PVR: variants seen among roughly 807,000 people sequenced by gnomAD.
PVR encodes the protein PVR cell adhesion molecule, also known as poliovirus receptor.
PVR carries 39 observed loss-of-function variants against 43.3 expected under a neutral mutation model. The observed-to-expected ratio is 0.90, with a 90% confidence interval of 0.70 to 1.18. The LOEUF (loss-of-function observed/expected upper bound fraction) is 1.18, where lower values mean the gene tolerates loss of function less well. Among genes scored for constraint, PVR ranks in the 50% most tolerant of loss-of-function variants. The probability of loss-of-function intolerance (pLI) is 0.00; values close to 1 mark genes in which losing one functional copy is unlikely to be tolerated. For synonymous variants in PVR, 224 were observed against 233.2 expected, an observed-to-expected ratio of 0.96 and a Z score of 0.36; for missense variants, 480 against 549.7, an observed-to-expected ratio of 0.87 and a Z score of 1.27.
At chr19:44,647,147 C>T in intron 1 of PVR, 76 bp from the exon 2 acceptor site, 1 of 1,081,490 alleles carries the variant, frequency 9.2e-7, no homozygotes, top group Non-Finnish European at 1.3e-6. Context: ...CGCCCAGGTG[C>T]CCGGGCTCCT....
Position 44,661,371 on chromosome 19 carries a change from A to G in PVR, c.1182+48A>G, listed in dbSNP as rs369364306. ...GGAGGGTGTGGGGTCTGCACGAACT[A>G]CAGACCAGACGTCTTCAGATGCCCA... On this transcript the variant is annotated intron_variant, in intron 7 of 7. Coordinates refer to ENST00000425690, the MANE Select transcript of PVR (RefSeq NM_006505.5). 1.7e-5 allele frequency: 27 copies of G among 1,588,000 alleles called. No individual in the cohort carries two copies. In the African/African-American group the frequency reaches 3.2e-4, roughly 19 times the overall value.
rs746864435 is a variant in PVR, at chr19:44,661,303, G to A, written c.1162G>A (p.Ala388Thr). 1.4e-5 allele frequency: 23 copies of A among 1,613,872 alleles called. No individual in the cohort carries two copies. The highest frequency in any genetic ancestry group is 1.0e-4 in the Admixed American group (6 of 59,998). ...CHLCPSSTEHASASANGHVSY... is the reference protein window; with the variant it reads ...CHLCPSSTEHTSASANGHVSY... ...TCCTATTTCCCCAGGTACAGAGCAT[G>A]CCAGCGCCTCAGCTAATGGGGTAAG... Residue 388 changes from alanine to threonine, a missense_variant, in exon 7 of 8, where the codon GCC (alanine) becomes ACC (threonine). Coordinates refer to ENST00000425690, the MANE Select transcript of PVR (RefSeq NM_006505.5).
chr19:44,661,444 G>A, intron 7 of PVR, 121 bp downstream of exon 7: 1 of 1,100,600 alleles, frequency 9.1e-7, no homozygotes, highest in Non-Finnish European at 1.4e-6. Flanking sequence ...GCCTCGAGCA[G>A]CATTTCCCAA....
rs1973685702 is a variant in PVR, at chr19:44,665,318, T to A, written c.*3507T>A. The A allele has an allele frequency of 6.6e-6, 1 of 151,938 alleles. No individual in the cohort carries two copies. The highest frequency in any genetic ancestry group is 2.4e-5 in the African/African-American group (1 of 41,360). The allele number at this position is 151,938 out of a possible 1,614,324, so 9.4% of individuals were successfully genotyped here. On this transcript the variant is annotated 3_prime_UTR_variant, in exon 8 of 8. Coordinates refer to ENST00000425690, the MANE Select transcript of PVR (RefSeq NM_006505.5). The stretch of plus-strand genomic sequence containing the variant: ...CCTCTGGGTTGCAGATTGCTTGGGG[T>A]GAAAATGTCTGTGCTACTGAAATCT...
intron 6 of PVR, 50 bp from the exon 7 acceptor site, chr19:44,661,241 AT>A (rs1568507209): frequency 6.4e-7 from 1 of 1,567,146 alleles, no homozygotes; most frequent in Non-Finnish European, 8.8e-7. Flanking sequence ...TCTTCTTCCC[AT>A]GCTTCCCAGC....
Position 44,644,066 on chromosome 19 carries a change from G to A in PVR, c.-31G>A. The A allele has an allele frequency of 6.7e-7, 1 of 1,497,768 alleles. No homozygotes were observed. Among genetic ancestry groups the A allele is most frequent in the Non-Finnish European group, 8.9e-7 (1 of 1,129,302 alleles). 92.8% of individuals were successfully genotyped at this position (1,497,768 alleles called of 1,614,324 possible). A position where few individuals can be genotyped will look rare whatever the true frequency, so the allele number is the denominator to read the frequency against. Reference sequence around the variant, plus strand: ...GGCGCCGGGAAGCGAGGAGACGCCCGCGGGAGGCCCAGCTGCTCGGAGCAA... The same window carrying A: ...GGCGCCGGGAAGCGAGGAGACGCCCACGGGAGGCCCAGCTGCTCGGAGCAA... On this transcript the variant is annotated 5_prime_UTR_variant, in exon 1 of 8. Transcript: ENST00000425690.
intron 7 of PVR, among the ~76,000 whole-genome samples, 180 bp downstream of exon 7, chr19:44,661,503 CCAGA>C (rs2123772823): frequency 6.6e-6 from 1 of 152,258 alleles, no homozygotes; most frequent in East Asian, 1.9e-4. Flanking sequence ...AGACGCAGCC[CCAGA>C]CAGTCTGGTC....
At chr19:44,654,351 GA>G (rs1354676658) in intron 4 of PVR, among the ~76,000 whole-genome samples, 2 of 152,200 alleles carry the variant, frequency 1.3e-5, no homozygotes, top group African/African-American at 4.8e-5. Context: ...CTGGGGCCTG[GA>G]CTCCTGGTCT....
chr19:44,644,850 G>A lies in PVR; in HGVS notation c.79+675G>A, dbSNP rs373060085. Among the ~76,000 whole-genome samples, 82 of 147,912 alleles carry A rather than the reference G, an allele frequency of 5.5e-4. 1 individual carries two copies. The East Asian group carries it at 0.012, about 21-fold the overall frequency. The stretch of plus-strand genomic sequence containing the variant: ...CCTGCTTCAGCCTCCCGAGTAGCTC[G>A]GATTACAGACATGTGCCACTATGCC... On this transcript the variant is annotated intron_variant, in intron 1 of 7. Coordinates refer to ENST00000425690, the MANE Select transcript of PVR (RefSeq NM_006505.5).
rs1351962936 is a variant in PVR, at chr19:44,664,872, A to C, written c.*3061A>C. Reference sequence around the variant, plus strand: ...GCCAATGCACACTGTCATTTAGCTCATGTTAACACCTGAGTGTAGGACACA... The same window carrying C: ...GCCAATGCACACTGTCATTTAGCTCCTGTTAACACCTGAGTGTAGGACACA... On this transcript the variant is annotated 3_prime_UTR_variant, in exon 8 of 8. Coordinates refer to ENST00000425690, the MANE Select transcript of PVR (RefSeq NM_006505.5). 2 of 152,140 alleles carry C rather than the reference A, an allele frequency of 1.3e-5. No individual in the cohort carries two copies. The highest frequency in any genetic ancestry group is 1.3e-4 in the Admixed American group (2 of 15,264). The allele number at this position is 152,140 out of a possible 1,614,324, so 9.4% of individuals were successfully genotyped here.
In PVR at chr19:44,658,835, G is replaced by C. The variant is rs1475550584; in HGVS notation, c.1085G>C (p.Gly362Ala). Residue 362 changes from glycine (G) to alanine (A), a missense_variant, in exon 6 of 8, where the codon GGG becomes GCG. Physicochemically the swap from Gly to Ala is moderately conservative, Grantham distance 60 (BLOSUM62 0). Coordinates refer to ENST00000425690, the MANE Select transcript of PVR (RefSeq NM_006505.5). Reference sequence around the variant, plus strand: ...GTTTTTCTGATCCTGCTGGGGATCGGGATTTATTTCTATTGGTCCAAATGT... The same window carrying C: ...GTTTTTCTGATCCTGCTGGGGATCGCGATTTATTTCTATTGGTCCAAATGT... ...ILVFLILLGI[G>A]IYFYWSKCSR... 6.2e-7 allele frequency: 1 copy of C among 1,614,018 alleles called. No homozygotes were observed. The highest frequency in any genetic ancestry group is 1.3e-5 in the African/African-American group (1 of 74,886).
At chr19:44,645,823 T>A (rs1057168125) in intron 1 of PVR, among the ~76,000 whole-genome samples, 32 of 152,096 alleles carry the variant, frequency 2.1e-4, no homozygotes, top group Middle Eastern at 6.8e-3. Context: ...AATAAAAATT[T>A]AAAAATAAAA....
intron 3 of PVR, among the ~76,000 whole-genome samples, chr19:44,652,365 A>ATTTTTGTTTTTG (rs199599283): frequency 2.6e-5 from 4 of 151,152 alleles, no homozygotes; most frequent in African/African-American, 9.8e-5. Flanking sequence ...TGCCTAGCTA[A>ATTTTTGTTTTTG]TTTTTGTTTT....
intron 3 of PVR, 41 bp from the exon 4 acceptor site, chr19:44,653,859 A>G (rs201461538): frequency 2.8e-6 from 4 of 1,435,186 alleles, no homozygotes; most frequent in Admixed American, 1.7e-5. Flanking sequence ...AGGCCCCCCA[A>G]AGCCTCCCAG....
chr19:44,645,413 G>GTATATATATATATATATA (rs1278079157), intron 1 of PVR, among the ~76,000 whole-genome samples: 17 of 52,086 alleles, frequency 3.3e-4, no homozygotes, highest in African/African-American at 1.5e-3. Flanking sequence ...TATATGTTTT[G>GTATATATATATATATATA]TGTATATATA....
intron 3 of PVR, among the ~76,000 whole-genome samples, chr19:44,650,894 AGGGTCTC>A (rs1456760788): frequency 6.6e-6 from 1 of 151,810 alleles, no homozygotes; most frequent in East Asian, 1.9e-4. Flanking sequence ...TCCTTTGGAC[AGGGTCTC>A]GCTCTGTCAC....
In PVR at chr19:44,654,006, T is replaced by A; in HGVS notation, c.831T>A (p.Tyr277Ter). The A allele has an allele frequency of 6.2e-7, 1 of 1,612,860 alleles. No homozygotes were observed. Among genetic ancestry groups the A allele is most frequent in the South Asian group, 1.1e-5 (1 of 91,064 alleles). Residue 277 changes from tyrosine (Y) to a stop codon, truncating the protein, a stop_gained, in exon 4 of 8, where the codon TAT becomes TAA. Coordinates refer to ENST00000425690, the MANE Select transcript of PVR (RefSeq NM_006505.5). LOFTEE classifies it high-confidence loss of function. ...GCAGCAACCCAGAGCCCACAGGCTA[T>A]AATTGGAGCACGTGAGTCCTGGGTC... The part of the protein sequence containing the change: ...DARSNPEPTG[Y>*]NWSTTMGPLP...
intron 3 of PVR, among the ~76,000 whole-genome samples, chr19:44,652,163 A>G (rs1473362665): frequency 1.3e-5 from 2 of 152,180 alleles, no homozygotes; most frequent in Non-Finnish European, 2.9e-5. Context: ...CTCAAAAACA[A>G]GAAAAGAAAG....
rs559384147 is a variant in PVR, at chr19:44,651,963, C to G, written c.724+1858C>G. ...CTGAGGTCAGGCATTCAAGACCAGC[C>G]TGATCAATGTGGTGAAACTCTGTCT... is the stretch of plus-strand genomic sequence containing the variant. On this transcript the variant is annotated intron_variant, in intron 3 of 7. Transcript: ENST00000425690. Among the ~76,000 whole-genome samples, 171 of 151,164 alleles carry G rather than the reference C, an allele frequency of 1.1e-3. 2 individuals carry two copies. The highest frequency in any genetic ancestry group is 3.7e-3 in the African/African-American group (154 of 41,182).
Sources: gnomAD v4.1 joint callset for allele counts (sites outside exome capture counted in the v4.1 genomes callset) on GRCh38, gnomAD v4.1.1 for gene constraint, MANE v1.5 for transcripts, NCBI Gene and HGNC (gene_info 2026-07-23, HGNC 2026-07-21) for gene names.